Variants in NUMA1 observed in about 807,000 individuals in gnomAD.
NUMA1 encodes the protein SP-H antigen.
Under a neutral mutation model 237.1 loss-of-function variants are expected in NUMA1, and 62 were observed. The ratio of observed to expected loss-of-function variants is 0.26; its 90% CI spans 0.21 to 0.32. The LOEUF (loss-of-function observed/expected upper bound fraction) is 0.32. NUMA1 is among the 10% of genes least tolerant of loss of function. NUMA1 has a pLI of 1.00. For missense variants in NUMA1, 2,533 were observed against 2,666.5 expected (o/e 0.95, Z 1.10); for synonymous variants, 1,028 against 1,066.1 (o/e 0.96, Z 0.70).
rs2134964087 is a variant in NUMA1, at chr11:72,013,991, A to G, written c.3512T>C (p.Leu1171Ser). Reference sequence around the variant, plus strand: ...CCCTAGCTCCTGGGCCTTCTCCTCTAACTGGCCCTGCAGAGTCTCCAGAGC... The same window carrying G: ...CCCTAGCTCCTGGGCCTTCTCCTCTGACTGGCCCTGCAGAGTCTCCAGAGC... ...DSALETLQGQ[L>S]EEKAQELGHS... Residue 1171 changes from leucine to serine, a missense_variant, in exon 15 of 27, where the codon TTA (leucine) becomes TCA (serine). Physicochemically the swap from Leu to Ser is moderately radical, Grantham distance 145 (BLOSUM62 -2). Around this residue, in one of 3 missense-constraint regions of NUMA1, gnomAD observed 1,414 missense variants for 1,508.1 expected, o/e 0.94. Coordinates refer to ENST00000393695, the MANE Select transcript of NUMA1 (RefSeq NM_006185.4). This position sits in a 1 kb window ranked among gnomAD's most constrained non-coding sequence, Gnocchi z 6.8. The G allele has an allele frequency of 6.2e-7, 1 of 1,612,666 alleles. No homozygotes were observed. Among genetic ancestry groups the G allele is most frequent in the East Asian group, 2.2e-5 (1 of 44,828 alleles).
At chr11:72,062,340 TA>T (rs201632248) in intron 2 of NUMA1, among the ~76,000 whole-genome samples, 5,352 of 145,562 alleles carry the variant, frequency 0.037, 94 homozygotes, top group East Asian at 0.077. Context: ...AAATAATGGT[TA>T]AAAAAAAAAA....
At chr11:72,060,798 C>T (rs567040421) in intron 2 of NUMA1, among the ~76,000 whole-genome samples, 2 of 152,248 alleles carry the variant, frequency 1.3e-5, no homozygotes, top group African/African-American at 4.8e-5. Flanking sequence ...AGGCTAGGCA[C>T]GGTAGCCCAC....
chr11:72,004,462 C>A (rs1443269112), intron 24 of NUMA1, 121 bp from the exon 25 acceptor site: 5 of 1,215,194 alleles, frequency 4.1e-6, no homozygotes, highest in East Asian at 4.7e-5. Flanking sequence ...CTCCCCTTCC[C>A]AACTCTGGGC....
chr11:72,015,200 T>G lies in NUMA1; in HGVS notation c.2303A>C (p.Glu768Ala), dbSNP rs775628486. ...CTCCCCAAGCTGCTGTAATCGAGCC[T>G]CCAGCCCCTTGCGCCCAGCCCTCTC... ...EEERAGRKGL[E>A]ARLQQLGEAH... Residue 768 changes from glutamate (E) to alanine (A), a missense_variant, in exon 15 of 27, where the codon GAG becomes GCG. This residue lies in a region of NUMA1 where 1,414 missense variants were observed against 1,508.1 expected (regional missense o/e 0.94). Transcript: ENST00000393695. This position sits in a 1 kb window ranked among gnomAD's most constrained non-coding sequence, Gnocchi z 4.0. 1.2e-6 allele frequency: 2 copies of G among 1,613,500 alleles called. No individual in the cohort carries two copies. Among genetic ancestry groups the G allele is most frequent in the Non-Finnish European group, 1.7e-6 (2 of 1,180,046 alleles).
intron 3 of NUMA1, among the ~76,000 whole-genome samples, chr11:72,029,818 A>G (rs1023220826): frequency 1.3e-5 from 2 of 151,626 alleles, no homozygotes; most frequent in Admixed American, 6.6e-5. Context: ...TATGCTATAC[A>G]CTCCCACAAA....
chr11:72,033,186 A>G (rs1940550459), intron 3 of NUMA1, among the ~76,000 whole-genome samples: 1 of 152,080 alleles, frequency 6.6e-6, no homozygotes, highest in South Asian at 2.1e-4. Flanking sequence ...GGCTCTTGCT[A>G]TGTTATAGGT....
intron 1 of NUMA1, chr11:72,072,161 G>A (rs1943480528): frequency 6.6e-6 from 1 of 152,662 alleles, no homozygotes. Flanking sequence ...GGCCATCACA[G>A]AAGTACAGGC....
intron 5 of NUMA1, 54 bp downstream of exon 5, chr11:72,024,220 A>G: frequency 6.5e-7 from 1 of 1,544,052 alleles, no homozygotes; most frequent in Non-Finnish European, 9.0e-7. Flanking sequence ...GGACTCTCCA[A>G]TCCCACGAGC....
chr11:72,038,777 A>AC (rs1011244741), intron 2 of NUMA1, among the ~76,000 whole-genome samples: 5 of 150,900 alleles, frequency 3.3e-5, no homozygotes, highest in Non-Finnish European at 5.9e-5. Context: ...TGGATCAGGC[A>AC]CCCCCCGTCC....
At chr11:72,031,280 G>A (rs142328678) in intron 3 of NUMA1, among the ~76,000 whole-genome samples, 1 of 150,768 alleles carries the variant, frequency 6.6e-6, no homozygotes, top group Non-Finnish European at 1.5e-5. Flanking sequence ...TGTGGCCTGG[G>A]CAACAGAGAC....
At chr11:72,043,528 ATT>A (rs34806999) in intron 2 of NUMA1, among the ~76,000 whole-genome samples, 2 of 123,132 alleles carry the variant, frequency 1.6e-5, no homozygotes, top group Admixed American at 8.7e-5. Context: ...TGCCTGGCTA[ATT>A]TTTTTTTTTT....
At chr11:72,063,010 G>T (rs2136187854) in intron 2 of NUMA1, among the ~76,000 whole-genome samples, 1 of 152,194 alleles carries the variant, frequency 6.6e-6, no homozygotes, top group South Asian at 2.1e-4. Flanking sequence ...GGTGGAGGTT[G>T]CAGTGAGCTG....
At chr11:72,010,337 A>G (rs1204248422) in intron 17 of NUMA1, among the ~76,000 whole-genome samples, 4 of 152,238 alleles carry the variant, frequency 2.6e-5, no homozygotes, top group African/African-American at 9.6e-5. Context: ...ACTGCACTGT[A>G]ATATTCAACA....
At chr11:72,050,500 AACCCTAAAAT>A (rs1439109808) in intron 2 of NUMA1, among the ~76,000 whole-genome samples, 2 of 152,240 alleles carry the variant, frequency 1.3e-5, no homozygotes. Flanking sequence ...GATAAAATAA[AACCCTAAAAT>A]ACATACTGTG....
At chr11:72,053,811 A>G (rs645603) in intron 2 of NUMA1, among the ~76,000 whole-genome samples, 141,027 of 152,190 alleles carry the variant, frequency 0.93, 65,593 homozygotes, top group Non-Finnish European at 0.98. Context: ...AAAACATTTT[A>G]GGGAAAAAAA....
At chr11:72,019,960 C>T (rs1938522268) in intron 8 of NUMA1, among the ~76,000 whole-genome samples, 1 of 152,104 alleles carries the variant, frequency 6.6e-6, no homozygotes, top group Non-Finnish European at 1.5e-5. Context: ...GAGCCCTGAG[C>T]AGGATCTCCT....
rs1013859545 is a variant in NUMA1, at chr11:72,003,161, C to G, written c.*366G>C. ...CCAGGACAGCAGGAACCAGGGCCTA[C>G]TCCTCTTATGGTCCCTTCTAGATCC... On this transcript the variant is annotated 3_prime_UTR_variant, in exon 27 of 27. Transcript: ENST00000393695. 9.6e-6 allele frequency: 3 copies of G among 311,166 alleles called. No homozygotes were observed. The highest frequency in any genetic ancestry group is 4.2e-5 in the African/African-American group (2 of 47,596). The allele number at this position is 311,166 out of a possible 1,614,324, so 19.3% of individuals were successfully genotyped here.
intron 8 of NUMA1, 94 bp downstream of exon 8, chr11:72,021,110 A>C (rs560200467): frequency 1.0e-6 from 1 of 996,684 alleles, no homozygotes; most frequent in East Asian, 2.5e-5. Context: ...TGTGTTGGGG[A>C]CAGAAACAAA....
chr11:72,024,459 G>A (rs1171810161), intron 4 of NUMA1, 106 bp from the exon 5 acceptor site: 2 of 988,684 alleles, frequency 2.0e-6, no homozygotes, highest in African/African-American at 3.2e-5. Context: ...ATCTCTGCTG[G>A]ATCTGGAAGA....
Sources: gnomAD v4.1 joint callset for allele counts (sites outside exome capture counted in the v4.1 genomes callset) on GRCh38, gnomAD v4.1.1 for gene constraint, gnomAD v4.1.1 regional missense constraint, Gnocchi (gnomAD v3.1) non-coding constraint, MANE v1.5 for transcripts, NCBI Gene and HGNC (gene_info 2026-07-23, HGNC 2026-07-21) for gene names.